The following PIEZO2 variants were observed in gnomAD, a reference collection of about 807,000 sequenced individuals.
The protein encoded by PIEZO2 is piezo-type mechanosensitive ion channel component 2.
PIEZO2 carries 172 observed loss-of-function variants against 337.3 expected under a neutral mutation model. The observed-to-expected ratio is 0.51, with a 90% CI of 0.45 to 0.58. The LOEUF (loss-of-function observed/expected upper bound fraction) is 0.58, where lower values mean the gene tolerates loss of function less well. PIEZO2 is among the 20% of genes least tolerant of loss of function. The probability of loss-of-function intolerance (pLI) is 0.00; values close to 1 mark genes in which losing one functional copy is unlikely to be tolerated. For missense variants in PIEZO2, 3,028 were observed against 3,391.3 expected, an observed-to-expected ratio of 0.89 and a Z score of 2.66; for synonymous variants, 1,251 against 1,228.5, an observed-to-expected ratio of 1.02 and a Z score of -0.38.
chr18:10,749,464 A>AT (rs1277153139), intron 29 of PIEZO2, among the ~76,000 whole-genome samples: 3 of 148,720 alleles, frequency 2.0e-5, no homozygotes, highest in South Asian at 2.1e-4. Flanking sequence ...GTCTTGAAAT[A>AT]TTTTTTTAAA....
rs2143517326 is a variant in PIEZO2, at chr18:10,682,752, A to T, written c.7498-460T>A. Among the ~76,000 whole-genome samples, 1 of 88,558 alleles carries T rather than the reference A, an allele frequency of 1.1e-5. No individual in the cohort carries two copies. The highest frequency in any genetic ancestry group is 4.5e-4 in the East Asian group (1 of 2,198). 58.1% of individuals were successfully genotyped at this position (88,558 alleles called of 152,430 possible). ...TGGAGGGTGAAAAAACATGATTTTT[A>T]ATTTAATTCATGACACGTGTTGTTA... is the stretch of plus-strand genomic sequence containing the variant. On this transcript the variant is annotated intron_variant, in intron 49 of 55. Transcript: ENST00000674853. This position sits in a 1 kb window ranked among gnomAD's most constrained non-coding sequence, Gnocchi z 5.6.
At chr18:10,793,440 T>A (rs2039478140) in intron 13 of PIEZO2, among the ~76,000 whole-genome samples, 1 of 152,182 alleles carries the variant, frequency 6.6e-6, no homozygotes, top group Non-Finnish European at 1.5e-5. Flanking sequence ...CAAATTTATT[T>A]CCCAAATAAT....
chr18:11,017,633 T>A (rs138229892), intron 2 of PIEZO2, among the ~76,000 whole-genome samples: 46 of 152,314 alleles, frequency 3.0e-4, no homozygotes, highest in African/African-American at 1.0e-3. Context: ...TACTGCAGAA[T>A]GGTTCTTCTG....
chr18:10,788,781 T>G (rs1234955743), intron 15 of PIEZO2, among the ~76,000 whole-genome samples: 2 of 152,172 alleles, frequency 1.3e-5, no homozygotes, highest in African/African-American at 4.8e-5. Context: ...AGACAAGGTT[T>G]CAGTATTTTG....
chr18:10,718,988 A>AATAAATAAATAT (rs2036131700), intron 36 of PIEZO2, among the ~76,000 whole-genome samples: 1 of 148,988 alleles, frequency 6.7e-6, no homozygotes, highest in African/African-American at 2.5e-5. Flanking sequence ...AAAATAAATA[A>AATAAATAAATAT]ATAAATAAAT....
chr18:10,936,421 T>C lies in PIEZO2; in HGVS notation c.287-25193A>G, dbSNP rs551823601. 1.1e-4 allele frequency among the ~76,000 whole-genome samples: 17 copies of C among 152,264 alleles called. No individual in the cohort carries two copies. In the East Asian group the frequency reaches 2.5e-3, roughly 22 times the overall value. On this transcript the variant is annotated intron_variant, in intron 3 of 55. Coordinates refer to ENST00000674853, the MANE Select transcript of PIEZO2 (RefSeq NM_001378183.1). ...TTAACATACTCCTCCGAAAATTTTT[T>C]TTAAAAAGAACAAAAAAAAGTCTTA...
rs1032953400 is a variant in PIEZO2, at chr18:10,760,961, T to C, written c.3400A>G (p.Asn1134Asp). The change falls in exon 24 of 56, where the codon AAT (asparagine) becomes GAT (aspartate). Residue 1134 changes from asparagine to aspartate, a missense_variant. Asn to Asp is a conservative substitution (Grantham distance 23). Transcript: ENST00000674853. The stretch of plus-strand genomic sequence containing the variant: ...TAATTAATGAAATATTTGGCACAAT[T>C]AATAAGTCCATCATCTAGATGTAGT... The part of the protein sequence containing the change: ...TRLHLDDGLI[N>D]CAKYFINYFF... The C allele has an allele frequency of 5.9e-6, 9 of 1,535,148 alleles. No homozygotes were observed. In the African/African-American group the frequency reaches 9.6e-5, roughly 16 times the overall value.
chr18:10,765,974 T>C (rs1233410851), intron 21 of PIEZO2, among the ~76,000 whole-genome samples: 17 of 152,144 alleles, frequency 1.1e-4, no homozygotes, highest in Admixed American at 1.0e-3. Context: ...GTCCTCAGCA[T>C]CCTAGAGAAG....
In PIEZO2 at chr18:11,027,917, A is replaced by C. The variant is rs1452322528; in HGVS notation, c.160+38210T>G. 6.6e-6 allele frequency among the ~76,000 whole-genome samples: 1 copy of C among 152,236 alleles called. No individual in the cohort carries two copies. On this transcript the variant is annotated intron_variant, in intron 2 of 55. Coordinates refer to ENST00000674853, the MANE Select transcript of PIEZO2 (RefSeq NM_001378183.1). The surrounding 1 kb of genome is among the most constrained non-coding windows in gnomAD (Gnocchi z 4.2). ...AGAAACAATTGTTAAATATACTAGA[A>C]GAGCCTTCGTAGAGTACTCTTTGAT...
At position 10,775,219 on chromosome 18, in the gene PIEZO2, A is replaced by G. The variant is rs866263684; in HGVS notation, c.2535-1181T>C. Among the ~76,000 whole-genome samples, 9 of 152,210 alleles carry G rather than the reference A, an allele frequency of 5.9e-5. No homozygotes were observed. The highest frequency in any genetic ancestry group is 2.2e-4 in the African/African-American group (9 of 41,450). ...CTTATTTTCCTAAGCTAGTCAATTC[A>G]TCCTCTCGACTTTGGAGAAGTTAGC... On this transcript the variant is annotated intron_variant, in intron 18 of 55. Transcript: ENST00000674853. This position sits in a 1 kb window ranked among gnomAD's most constrained non-coding sequence, Gnocchi z 4.3.
At chr18:10,719,011 A>AATT (rs1567981868) in intron 36 of PIEZO2, among the ~76,000 whole-genome samples, 32 of 148,632 alleles carry the variant, frequency 2.2e-4, no homozygotes, top group African/African-American at 8.3e-4. Flanking sequence ...ATAAATAAAT[A>AATT]AATAAATAAA....
In PIEZO2 at chr18:10,895,093, C is replaced by T. The variant is rs1055207417; in HGVS notation, c.329+16093G>A. On this transcript the variant is annotated intron_variant, in intron 4 of 55. Transcript: ENST00000674853. The surrounding 1 kb of genome is among the most constrained non-coding windows in gnomAD (Gnocchi z 4.8). The stretch of plus-strand genomic sequence containing the variant: ...TCATTTGCCCAGAGGCAACATGTGT[C>T]CTCCAGGCACTTAGATGCCACTGGC... Among the ~76,000 whole-genome samples the T allele has an allele frequency of 2.0e-5, 3 of 152,208 alleles. No individual in the cohort carries two copies. The highest frequency in any genetic ancestry group is 4.8e-5 in the African/African-American group (2 of 41,450).
At chr18:11,122,039 C>T (rs904224660) in intron 1 of PIEZO2, among the ~76,000 whole-genome samples, 11 of 152,048 alleles carry the variant, frequency 7.2e-5, no homozygotes, top group South Asian at 6.2e-4. Context: ...CTGCAAGCTC[C>T]GCCTCCCAGG....
intron 4 of PIEZO2, among the ~76,000 whole-genome samples, chr18:10,897,596 C>T (rs985736859): frequency 3.3e-5 from 5 of 152,190 alleles, no homozygotes; most frequent in African/African-American, 1.2e-4. Context: ...AGTGTGGGGC[C>T]TCCTCAGCCA....
intron 3 of PIEZO2, among the ~76,000 whole-genome samples, chr18:10,949,603 C>T (rs936020426): frequency 1.3e-5 from 2 of 152,220 alleles, no homozygotes; most frequent in Non-Finnish European, 1.5e-5. Flanking sequence ...TCTGGATAAA[C>T]AATCTCAGAA....
intron 4 of PIEZO2, among the ~76,000 whole-genome samples, chr18:10,910,657 A>G (rs1412173561): frequency 6.6e-6 from 1 of 152,194 alleles, no homozygotes; most frequent in Non-Finnish European, 1.5e-5. Flanking sequence ...ACCTACCAGC[A>G]CATTTTCTGA....
chr18:10,679,497 AT>A (rs1471468010), intron 52 of PIEZO2, among the ~76,000 whole-genome samples: 4 of 150,678 alleles, frequency 2.7e-5, no homozygotes, highest in Admixed American at 6.7e-5. Context: ...TACATTCAAA[AT>A]TTTTTTTGCA....
intron 3 of PIEZO2, among the ~76,000 whole-genome samples, chr18:10,959,564 T>C (rs2145367032): frequency 6.6e-6 from 1 of 152,290 alleles, no homozygotes; most frequent in South Asian, 2.1e-4. Context: ...ACTCTGCATC[T>C]CACTTTGTCA....
chr18:10,706,414 C>T (rs910892090), intron 40 of PIEZO2, among the ~76,000 whole-genome samples: 2 of 152,178 alleles, frequency 1.3e-5, no homozygotes, highest in African/African-American at 4.8e-5. Context: ...GTGCCCAGGG[C>T]TTCCCCTTCC....
Sources: gnomAD v4.1 joint callset for allele counts (sites outside exome capture counted in the v4.1 genomes callset) on GRCh38, gnomAD v4.1.1 for gene constraint, Gnocchi (gnomAD v3.1) non-coding constraint, MANE v1.5 for transcripts, NCBI Gene and HGNC (gene_info 2026-07-23, HGNC 2026-07-21) for gene names.